KLRG1: variants seen among roughly 807,000 people sequenced by gnomAD.
KLRG1 encodes the protein killer cell lectin-like receptor subfamily G member 1.
In KLRG1, 16 loss-of-function variants were observed where a neutral mutation model predicts 21.8. The observed-to-expected ratio is 0.73, with a 90% CI of 0.50 to 1.11. The LOEUF (loss-of-function observed/expected upper bound fraction) is 1.11. KLRG1 is among the 50% of genes most tolerant of loss of function. The pLI, the probability that KLRG1 is intolerant of heterozygous loss-of-function variation, is 0.00. For missense variants in KLRG1, 173 were observed against 218.3 expected, an observed-to-expected ratio of 0.79 and a Z score of 1.31; for synonymous variants, 69 against 75.9, an observed-to-expected ratio of 0.91 and a Z score of 0.47.
chr12:9,009,606 C>A lies in KLRG1; in HGVS notation c.*69C>A. 2.5e-6 allele frequency: 4 copies of A among 1,580,176 alleles called. No individual in the cohort carries two copies. The highest frequency in any genetic ancestry group is 3.4e-6 in the Non-Finnish European group (4 of 1,164,162). On this transcript the variant is annotated 3_prime_UTR_variant, in exon 5 of 5. Coordinates refer to ENST00000356986, the MANE Select transcript of KLRG1 (RefSeq NM_005810.4). ...CTAAAAGGAGGGAGCTGGCCACTGG[C>A]TGTTGGGAAAGCCATGAGTATATAG...
At chr12:9,066,901 C>T in the KLRG1 span, 1 of 152,218 alleles carries the variant, frequency 6.6e-6, no homozygotes, top group Non-Finnish European at 1.5e-5. Flanking sequence ...GCTCAATCCT[C>T]CTGCTTTAAC....
At chr12:9,134,220 G>C in the KLRG1 span, among the ~76,000 whole-genome samples, 1 of 152,168 alleles carries the variant, frequency 6.6e-6, no homozygotes. Context: ...TTGTGGAGAA[G>C]AATGCCACTT....
chr12:8,958,385 G>C (rs1946330890), intron 1 of KLRG1, among the ~76,000 whole-genome samples: 1 of 152,158 alleles, frequency 6.6e-6, no homozygotes, highest in South Asian at 2.1e-4. Context: ...ACTTAATTCT[G>C]TTTAGTTGAT....
chr12:9,199,439 G>A, the KLRG1 span, among the ~76,000 whole-genome samples: 1 of 152,042 alleles, frequency 6.6e-6, no homozygotes, highest in Non-Finnish European at 1.5e-5. Context: ...ATTATTTCAG[G>A]TTATTAAACA....
the KLRG1 span, among the ~76,000 whole-genome samples, chr12:9,021,553 A>T: frequency 6.6e-6 from 1 of 151,732 alleles, no homozygotes; most frequent in Non-Finnish European, 1.5e-5. Context: ...GGCGCACGCC[A>T]CCATACCCAG....
chr12:8,981,062 A>G (rs1245908345), intron 1 of KLRG1, among the ~76,000 whole-genome samples: 5 of 151,990 alleles, frequency 3.3e-5, no homozygotes, highest in Non-Finnish European at 5.9e-5. Context: ...GCACTCCAGA[A>G]CTCTCCCAGA....
chr12:9,008,190 A>G (rs1461079995), intron 3 of KLRG1, among the ~76,000 whole-genome samples: 2 of 152,224 alleles, frequency 1.3e-5, no homozygotes, highest in Non-Finnish European at 2.9e-5. Context: ...GAATATTGCT[A>G]TAGGCTTAAT....
intron 1 of KLRG1, among the ~76,000 whole-genome samples, chr12:8,983,395 C>CTTT (rs764267755): frequency 2.5e-3 from 221 of 89,454 alleles, no homozygotes; most frequent in Middle Eastern, 7.6e-3. Flanking sequence ...ACCATTTTAC[C>CTTT]TTTTTTTTTT....
chr12:9,146,039 A>C, the KLRG1 span, among the ~76,000 whole-genome samples: 2 of 152,076 alleles, frequency 1.3e-5, no homozygotes, highest in Admixed American at 6.6e-5. Flanking sequence ...TTACTTAGTT[A>C]TTTTTGAACC....
the KLRG1 span, among the ~76,000 whole-genome samples, chr12:9,166,650 A>G: frequency 8.5e-5 from 13 of 152,378 alleles, no homozygotes; most frequent in Middle Eastern, 3.4e-3. Context: ...TTACTTTTAC[A>G]TAAATTAAAT....
At chr12:9,197,135 G>C in the KLRG1 span, 1 of 1,555,154 alleles carries the variant, frequency 6.4e-7, no homozygotes, top group Non-Finnish European at 8.9e-7. Context: ...TGGTACATGA[G>C]AAATAAATCA....
the KLRG1 span, chr12:9,093,690 A>G: frequency 6.5e-6 from 4 of 616,938 alleles, no homozygotes; most frequent in East Asian, 1.2e-4. Flanking sequence ...GTCTGATGAA[A>G]TAGAGAGGAA....
At chr12:8,959,259 C>T (rs2041624) in intron 1 of KLRG1, among the ~76,000 whole-genome samples, 1 of 151,900 alleles carries the variant, frequency 6.6e-6, no homozygotes, top group Non-Finnish European at 1.5e-5. Flanking sequence ...TATCTGGGGT[C>T]GCAAGATTTA....
chr12:9,180,415 G>A, the KLRG1 span, among the ~76,000 whole-genome samples: 1 of 152,184 alleles, frequency 6.6e-6, no homozygotes, highest in Admixed American at 6.5e-5. Context: ...TAAGGCTACA[G>A]TAACCAAAAG....
At chr12:9,200,919 G>A in the KLRG1 span, 2 of 1,613,696 alleles carry the variant, frequency 1.2e-6, no homozygotes, top group African/African-American at 2.7e-5. Flanking sequence ...AAGGGGTGCT[G>A]TATCCTTCCA....
chr12:9,175,567 A>G, the KLRG1 span, among the ~76,000 whole-genome samples: 1 of 152,210 alleles, frequency 6.6e-6, no homozygotes, highest in Non-Finnish European at 1.5e-5. Context: ...TAACCACCTG[A>G]GAAAGGCCTA....
chr12:9,155,506 T>C, the KLRG1 span, among the ~76,000 whole-genome samples: 1 of 152,174 alleles, frequency 6.6e-6, no homozygotes, highest in Non-Finnish European at 1.5e-5. Flanking sequence ...TTGTTGTTGT[T>C]GTTGTTTTTG....
At chr12:9,163,576 T>G in the KLRG1 span, 4 of 1,403,564 alleles carry the variant, frequency 2.8e-6, no homozygotes, top group Non-Finnish European at 2.9e-6. Context: ...ATGTATTGTG[T>G]GAGCATGATA....
At chr12:9,200,222 TAGTA>T in the KLRG1 span, 17 of 522,058 alleles carry the variant, frequency 3.3e-5, no homozygotes, top group South Asian at 1.1e-4. Flanking sequence ...AAAATTTTAA[TAGTA>T]AGTCGTTAAA....
Sources: allele counts gnomAD v4.1 joint callset (sites outside exome capture counted in the v4.1 genomes callset), GRCh38; gene constraint gnomAD v4.1.1; transcripts MANE v1.5; gene names NCBI Gene and HGNC (gene_info 2026-07-23, HGNC 2026-07-21).